ATAD2B: variants seen among roughly 807,000 people sequenced by gnomAD.
The protein encoded by ATAD2B is ATPase family AAA domain containing 2B.
A neutral mutation model predicts 167.6 loss-of-function variants in ATAD2B; 40 were observed. The ratio of observed to expected loss-of-function variants is 0.24; its 90% confidence interval spans 0.19 to 0.31. ATAD2B has a LOEUF of 0.31. ATAD2B is among the 10% of genes least tolerant of loss of function. The probability of loss-of-function intolerance (pLI) is 1.00; values close to 1 mark genes in which losing one functional copy is unlikely to be tolerated. For synonymous variants in ATAD2B, 579 were observed against 596.5 expected, an observed-to-expected ratio of 0.97 and a Z score of 0.43; for missense variants, 1,242 against 1,757.2, an observed-to-expected ratio of 0.71 and a Z score of 5.24.
At chr2:23,907,696 AAAG>A (rs1701693865) in intron 1 of ATAD2B, among the ~76,000 whole-genome samples, 1 of 152,204 alleles carries the variant, frequency 6.6e-6, no homozygotes, top group African/African-American at 2.4e-5. Context: ...TCCTAAGCCA[AAAG>A]AACAAAGCTG....
chr2:23,820,028 G>A lies in ATAD2B; in HGVS notation c.2132-146C>T, dbSNP rs535356229. The A allele has an allele frequency of 5.8e-5, 31 of 535,830 alleles. 1 individual carries two copies. The East Asian group carries it at 8.1e-4, about 14-fold the overall frequency. The allele number at this position is 535,830 out of a possible 1,614,324, so 33.2% of individuals were successfully genotyped here. On this transcript the variant is annotated intron_variant, in intron 16 of 27. Transcript: ENST00000238789. ...AATACAGGCAAACTGACAAACTGCA[G>A]CTTTTAAAATAACTTATAAACAAAA...
intron 18 of ATAD2B, among the ~76,000 whole-genome samples, chr2:23,809,746 T>C (rs1685259332): frequency 6.6e-6 from 1 of 152,186 alleles, no homozygotes; most frequent in South Asian, 2.1e-4. Flanking sequence ...CTAGTTTCAA[T>C]ATGACATAAT....
chr2:23,695,810 G>A, the ATAD2B span: 3 of 1,548,932 alleles, frequency 1.9e-6, no homozygotes, highest in South Asian at 1.2e-5. This position sits in a 1 kb window ranked among gnomAD's most constrained non-coding sequence, Gnocchi z 7.6. Context: ...ACCCGGCCGC[G>A]CCTCTCTGCA....
chr2:23,696,304 GCTCT>G, the ATAD2B span: 34 of 1,548,620 alleles, frequency 2.2e-5, no homozygotes, highest in Non-Finnish European at 2.7e-5. The surrounding 1 kb of genome is among the most constrained non-coding windows in gnomAD (Gnocchi z 5.5). Flanking sequence ...CACCCCGCCC[GCTCT>G]CTCTGCCTCC....
the ATAD2B span, among the ~76,000 whole-genome samples, chr2:23,732,074 A>G: frequency 6.6e-6 from 1 of 152,190 alleles, no homozygotes. Context: ...GCACATCTCA[A>G]TTTGTACTAG....
chr2:23,888,263 T>A, intron 3 of ATAD2B, 87 bp downstream of exon 3: 1 of 939,170 alleles, frequency 1.1e-6, no homozygotes, highest in African/African-American at 1.7e-5. Flanking sequence ...AGCACACTAT[T>A]AAATCACTCT....
the ATAD2B span, among the ~76,000 whole-genome samples, chr2:23,738,574 G>A: frequency 6.6e-6 from 1 of 152,110 alleles, no homozygotes; most frequent in Non-Finnish European, 1.5e-5. Context: ...AGGAACAACT[G>A]GTACCAGCCA....
chr2:23,841,098 A>ATTTTTTTTTTTTTTTTTTTTTT (rs572061183), intron 13 of ATAD2B, among the ~76,000 whole-genome samples: 1 of 117,172 alleles, frequency 8.5e-6, no homozygotes, highest in Non-Finnish European at 1.8e-5. Context: ...ATGCATGGCT[A>ATTTTTTTTTTTTTTTTTTTTTT]TTTTTTTTTT....
intron 13 of ATAD2B, among the ~76,000 whole-genome samples, chr2:23,853,262 T>G (rs1314573583): frequency 6.6e-6 from 1 of 152,022 alleles, no homozygotes; most frequent in Non-Finnish European, 1.5e-5. Context: ...ATAAAAGACA[T>G]AGATTGGAAA....
At position 23,810,558 on chromosome 2, in the gene ATAD2B, T is replaced by C. The variant is rs1005805043; in HGVS notation, c.2268-56A>G. Reference sequence around the variant, plus strand: ...AAGGCATACATTCTGAAGACAAATATGAAATATCAGGCAAAATTTTTACAT... The same window carrying C: ...AAGGCATACATTCTGAAGACAAATACGAAATATCAGGCAAAATTTTTACAT... On this transcript the variant is annotated intron_variant, in intron 17 of 27. Transcript: ENST00000238789. The C allele has an allele frequency of 3.4e-6, 5 of 1,454,058 alleles. No individual in the cohort carries two copies. The South Asian group carries it at 4.1e-5, about 12-fold the overall frequency. The allele number at this position is 1,454,058 out of a possible 1,614,324, so 90.1% of individuals were successfully genotyped here.
chr2:23,820,461 G>C (rs1209320882), intron 16 of ATAD2B, among the ~76,000 whole-genome samples: 1 of 151,668 alleles, frequency 6.6e-6, no homozygotes, highest in East Asian at 1.9e-4. Flanking sequence ...GAACTAACTG[G>C]AACTAAAATC....
intron 3 of ATAD2B, 90 bp from the exon 4 acceptor site, chr2:23,888,075 T>G (rs1274562481): frequency 1.8e-6 from 2 of 1,114,460 alleles, no homozygotes; most frequent in African/African-American, 1.6e-5. Flanking sequence ...TTTAAAAGAC[T>G]ACAAAAAATT....
intron 18 of ATAD2B, among the ~76,000 whole-genome samples, chr2:23,807,271 TAC>T (rs1408575323): frequency 6.9e-6 from 1 of 145,636 alleles, no homozygotes; most frequent in Non-Finnish European, 1.5e-5. Context: ...TAGTAGTGTG[TAC>T]ACACACATGC....
At chr2:23,738,261 G>A in the ATAD2B span, among the ~76,000 whole-genome samples, 1 of 152,218 alleles carries the variant, frequency 6.6e-6, no homozygotes, top group Non-Finnish European at 1.5e-5. Flanking sequence ...ATTCACCAAA[G>A]TTGAAATGAA....
At chr2:23,704,773 A>G in the ATAD2B span, among the ~76,000 whole-genome samples, 4 of 152,168 alleles carry the variant, frequency 2.6e-5, no homozygotes, top group South Asian at 8.3e-4. Context: ...TCTCACAAAA[A>G]AGAAGGGGCC....
At chr2:23,706,700 G>C in the ATAD2B span, 17 of 1,427,808 alleles carry the variant, frequency 1.2e-5, no homozygotes, top group South Asian at 2.5e-4. Context: ...CTGTGGACAA[G>C]TCTGGTGAGG....
intron 21 of ATAD2B, among the ~76,000 whole-genome samples, chr2:23,784,318 T>C (rs983343245): frequency 1.3e-5 from 2 of 152,144 alleles, no homozygotes; most frequent in African/African-American, 4.8e-5. Context: ...TCAGACATTT[T>C]AAATTCATTA....
intron 22 of ATAD2B, among the ~76,000 whole-genome samples, chr2:23,771,046 C>T (rs144736164): frequency 1.7e-4 from 26 of 152,202 alleles, no homozygotes; most frequent in African/African-American, 6.0e-4. Flanking sequence ...GTCTTACATG[C>T]CTTTTGTCAG....
At chr2:23,730,342 G>C in the ATAD2B span, among the ~76,000 whole-genome samples, 1 of 152,190 alleles carries the variant, frequency 6.6e-6, no homozygotes, top group East Asian at 1.9e-4. Context: ...AGGGAAAGTA[G>C]AAAATATTCT....
Sources: gnomAD v4.1 joint callset for allele counts (sites outside exome capture counted in the v4.1 genomes callset) on GRCh38, gnomAD v4.1.1 for gene constraint, Gnocchi (gnomAD v3.1) non-coding constraint, MANE v1.5 for transcripts, NCBI Gene and HGNC (gene_info 2026-07-23, HGNC 2026-07-21) for gene names.